Variants in SLIT2 observed in about 807,000 individuals in gnomAD.
The protein encoded by SLIT2 is slit homolog 2 protein.
Under a neutral mutation model 185.7 loss-of-function variants are expected in SLIT2, and 41 were observed. The observed-to-expected ratio is 0.22, with a 90% CI of 0.17 to 0.29. The LOEUF is 0.29. SLIT2 is among the 10% of genes least tolerant of loss of function. The pLI, the probability that SLIT2 is intolerant of heterozygous loss-of-function variation, is 1.00. For missense variants in SLIT2, 1,571 were observed against 1,909.0 expected (o/e 0.82, Z 3.30); for synonymous variants, 693 against 680.2 (o/e 1.02, Z -0.29).
chr4:20,553,737 G>T, intron 25 of SLIT2, 68 bp from the exon 26 acceptor site: 3 of 552,996 alleles, frequency 5.4e-6, no homozygotes, highest in South Asian at 5.8e-5. Context: ...TTCCATACTT[G>T]TGTGTGTGTG....
At chr4:20,432,522 C>CTT (rs59431145) in intron 4 of SLIT2, among the ~76,000 whole-genome samples, 9 of 141,942 alleles carry the variant, frequency 6.3e-5, no homozygotes, top group African/African-American at 1.8e-4. Context: ...GACTGTCTGC[C>CTT]TTTTTTTTTT....
chr4:20,319,573 T>C (rs1718876246), intron 4 of SLIT2, among the ~76,000 whole-genome samples: 1 of 152,174 alleles, frequency 6.6e-6, no homozygotes, highest in African/African-American at 2.4e-5. Context: ...TTTGGAATTA[T>C]ATTTATTTGT....
At chr4:20,478,623 C>A (rs1007937707) in intron 5 of SLIT2, among the ~76,000 whole-genome samples, 1 of 152,152 alleles carries the variant, frequency 6.6e-6, no homozygotes, top group African/African-American at 2.4e-5. Flanking sequence ...AAGATATGGG[C>A]AAACATACAG....
intron 9 of SLIT2, among the ~76,000 whole-genome samples, chr4:20,500,340 A>G (rs1718616155): frequency 6.6e-6 from 1 of 152,200 alleles, no homozygotes; most frequent in Non-Finnish European, 1.5e-5. Context: ...ACTTTAGTTC[A>G]TAATTTTATT....
chr4:20,375,140 G>A (rs1400220958), intron 4 of SLIT2, among the ~76,000 whole-genome samples: 2 of 152,056 alleles, frequency 1.3e-5, no homozygotes, highest in Non-Finnish European at 2.9e-5. Context: ...TTTTAGCTTA[G>A]TGATCTAGAC....
rs186702043 is a variant in SLIT2, at chr4:20,287,936, A to G, written c.395+19055A>G. Among the ~76,000 whole-genome samples the G allele has an allele frequency of 9.6e-3, 1,463 of 152,312 alleles. 11 individuals are homozygous for G. Among genetic ancestry groups the G allele is most frequent in the Non-Finnish European group, 0.016 (1,105 of 68,024 alleles). ...TGTTTAAGTTTTATAAAGACTTCTC[A>G]TTCTTTTCCTCCAAGTCAAATTTCT... On this transcript the variant is annotated intron_variant, in intron 4 of 36. Transcript: ENST00000504154.
chr4:20,404,474 G>A (rs1019004899), intron 4 of SLIT2, among the ~76,000 whole-genome samples: 1 of 151,958 alleles, frequency 6.6e-6, no homozygotes, highest in African/African-American at 2.4e-5. Flanking sequence ...GTTAAGTTTT[G>A]GATAATGAGT....
intron 29 of SLIT2, among the ~76,000 whole-genome samples, chr4:20,587,522 G>T (rs1035732682): frequency 2.0e-5 from 3 of 152,170 alleles, no homozygotes; most frequent in African/African-American, 7.2e-5. Context: ...GTTGATTAGA[G>T]ATTTAACAAT....
At chr4:20,554,947 T>G (rs553597837) in intron 26 of SLIT2, among the ~76,000 whole-genome samples, 1 of 152,224 alleles carries the variant, frequency 6.6e-6, no homozygotes, top group East Asian at 1.9e-4. Flanking sequence ...TTTTTGTATT[T>G]TTAGTAGAGA....
intron 11 of SLIT2, among the ~76,000 whole-genome samples, chr4:20,516,994 C>T (rs959463739): frequency 9.2e-5 from 14 of 152,078 alleles, no homozygotes; most frequent in Non-Finnish European, 1.3e-4. Context: ...AATATAAATA[C>T]GATGCATCTC....
In SLIT2 at chr4:20,483,365, G is replaced by A. The variant is rs191285445; in HGVS notation, c.539+2578G>A. 2.8e-4 allele frequency among the ~76,000 whole-genome samples: 43 copies of A among 152,102 alleles called. No individual in the cohort carries two copies. In the East Asian group the frequency reaches 6.4e-3, roughly 23 times the overall value. On this transcript the variant is annotated intron_variant, in intron 6 of 36. Transcript: ENST00000504154. ...AGCAGTTTAACACTTGCACGTTCACGGAGAACTGGTTTATTGTCAGATTCT... is the reference window on the plus strand; with the variant it reads ...AGCAGTTTAACACTTGCACGTTCACAGAGAACTGGTTTATTGTCAGATTCT...
intron 30 of SLIT2, among the ~76,000 whole-genome samples, chr4:20,592,854 A>C (rs1389732313): frequency 6.6e-6 from 1 of 152,144 alleles, no homozygotes; most frequent in Non-Finnish European, 1.5e-5. Flanking sequence ...CATTAAAACC[A>C]ACTGGCTGCA....
At chr4:20,312,643 C>T (rs1005133176) in intron 4 of SLIT2, among the ~76,000 whole-genome samples, 4 of 151,230 alleles carry the variant, frequency 2.6e-5, no homozygotes, top group East Asian at 1.9e-4. Context: ...TTTGTTGGCG[C>T]GCATCTGTAG....
chr4:20,311,125 G>T (rs555555283), intron 4 of SLIT2, among the ~76,000 whole-genome samples: 1 of 152,284 alleles, frequency 6.6e-6, no homozygotes, highest in South Asian at 2.1e-4. Flanking sequence ...TTGCCCTTAT[G>T]CAATTCTCCC....
intron 1 of SLIT2, chr4:20,255,054 C>A: frequency 2.2e-6 from 1 of 456,294 alleles, no homozygotes; most frequent in South Asian, 1.5e-5. Context: ...GCCGCCGCCC[C>A]GCGCCAGTCC....
intron 4 of SLIT2, among the ~76,000 whole-genome samples, chr4:20,457,357 AATT>A (rs1211595229): frequency 6.6e-6 from 1 of 151,986 alleles, no homozygotes; most frequent in Non-Finnish European, 1.5e-5. Context: ...TTTCAAAGAA[AATT>A]GCTAGAAAAA....
chr4:20,284,496 A>G (rs73803855), intron 4 of SLIT2, among the ~76,000 whole-genome samples: 4,869 of 152,262 alleles, frequency 0.032, 106 homozygotes, highest in East Asian at 0.076. Context: ...AGGGAGAACA[A>G]AGGAACCATG....
chr4:20,584,351 T>C (rs541502668), intron 29 of SLIT2, among the ~76,000 whole-genome samples: 1 of 152,334 alleles, frequency 6.6e-6, no homozygotes, highest in Non-Finnish European at 1.5e-5. Flanking sequence ...TTATGCTGAT[T>C]CACTCTTCAC....
chr4:20,502,118 CTATA>C (rs902922660), intron 9 of SLIT2, among the ~76,000 whole-genome samples: 16 of 152,040 alleles, frequency 1.1e-4, no homozygotes, highest in Non-Finnish European at 2.1e-4. Context: ...AAGCAGAAAA[CTATA>C]TAATGCCTTT....
Sources: allele counts gnomAD v4.1 joint callset (sites outside exome capture counted in the v4.1 genomes callset), GRCh38; gene constraint gnomAD v4.1.1; transcripts MANE v1.5; gene names NCBI Gene and HGNC (gene_info 2026-07-23, HGNC 2026-07-21).